Variants in PIK3C2G observed in about 807,000 individuals in gnomAD.
PIK3C2G encodes the protein phosphatidylinositol 3-kinase C2 domain-containing subunit gamma.
PIK3C2G carries 168 observed loss-of-function variants against 181.1 expected under a neutral mutation model. The observed-to-expected ratio is 0.93, with a 90% CI of 0.82 to 1.05. The LOEUF (loss-of-function observed/expected upper bound fraction) is 1.05. Ranked by LOEUF, PIK3C2G falls within the 50% of genes least tolerant of loss-of-function variation. PIK3C2G has a pLI of 0.00. For synonymous variants in PIK3C2G, 573 were observed against 592.2 expected (o/e 0.97, Z 0.47); for missense variants, 1,869 against 1,732.8 (o/e 1.08, Z -1.40).
At chr12:18,483,587 A>T (rs1030696287) in intron 18 of PIK3C2G, among the ~76,000 whole-genome samples, 4 of 152,062 alleles carry the variant, frequency 2.6e-5, no homozygotes, top group Non-Finnish European at 4.4e-5. Context: ...ATTATACTCA[A>T]ATTGACTATT....
At chr12:18,339,965 T>G (rs1938967871) in intron 9 of PIK3C2G, among the ~76,000 whole-genome samples, 1 of 152,114 alleles carries the variant, frequency 6.6e-6, no homozygotes, top group African/African-American at 2.4e-5. Flanking sequence ...GACAGATTTG[T>G]GTTTATTTCC....
At chr12:18,601,247 G>A (rs1045079299) in intron 30 of PIK3C2G, among the ~76,000 whole-genome samples, 8 of 150,762 alleles carry the variant, frequency 5.3e-5, no homozygotes, top group Admixed American at 5.3e-4. Flanking sequence ...TGATAAAATT[G>A]AATGACCTTT....
chr12:18,442,141 T>A (rs1390482433), intron 18 of PIK3C2G, among the ~76,000 whole-genome samples: 2 of 152,190 alleles, frequency 1.3e-5, no homozygotes, highest in Non-Finnish European at 2.9e-5. Flanking sequence ...ATATACAATA[T>A]GTTTTTGCAT....
intron 31 of PIK3C2G, among the ~76,000 whole-genome samples, chr12:18,617,319 A>G (rs1948648314): frequency 6.6e-6 from 1 of 152,140 alleles, no homozygotes; most frequent in Admixed American, 6.6e-5. Flanking sequence ...TGCGTGACTT[A>G]CATAGGAACT....
At chr12:18,708,825 C>G in the PIK3C2G span, among the ~76,000 whole-genome samples, 2 of 151,984 alleles carry the variant, frequency 1.3e-5, no homozygotes, top group Non-Finnish European at 2.9e-5. Context: ...GGAGAAATGC[C>G]TATTCAGGTT....
At chr12:18,584,974 T>G (rs2136442984) in intron 29 of PIK3C2G, among the ~76,000 whole-genome samples, 1 of 152,212 alleles carries the variant, frequency 6.6e-6, no homozygotes, top group South Asian at 2.1e-4. Context: ...AATAAGATCC[T>G]TTTCAAATAA....
intron 31 of PIK3C2G, among the ~76,000 whole-genome samples, chr12:18,624,205 T>G (rs1054044025): frequency 4.0e-5 from 6 of 151,668 alleles, no homozygotes; most frequent in African/African-American, 1.4e-4. Flanking sequence ...AGATACATTC[T>G]TTCCATACCA....
At chr12:18,607,326 A>C in intron 30 of PIK3C2G, 1 of 353,442 alleles carries the variant, frequency 2.8e-6, no homozygotes, top group South Asian at 2.2e-5. Context: ...TAATCAAAAC[A>C]GCATGGTACT....
the PIK3C2G span, among the ~76,000 whole-genome samples, chr12:18,686,526 G>C: frequency 2.0e-5 from 3 of 151,122 alleles, no homozygotes; most frequent in Admixed American, 6.6e-5. Context: ...TCTGTCTCTG[G>C]TATGTTTAAA....
intron 26 of PIK3C2G, among the ~76,000 whole-genome samples, chr12:18,556,745 T>C (rs947837771): frequency 6.6e-6 from 1 of 152,134 alleles, no homozygotes; most frequent in African/African-American, 2.4e-5. Context: ...AGAAATAATG[T>C]TTTGTACTGC....
intron 12 of PIK3C2G, among the ~76,000 whole-genome samples, chr12:18,363,691 A>G (rs373729787): frequency 6.6e-6 from 1 of 152,080 alleles, no homozygotes; most frequent in Non-Finnish European, 1.5e-5. Flanking sequence ...TGGCTTTCTT[A>G]GAAGACAGTT....
chr12:18,565,628 G>A (rs1005212736), intron 28 of PIK3C2G, among the ~76,000 whole-genome samples: 2 of 152,052 alleles, frequency 1.3e-5, no homozygotes, highest in African/African-American at 2.4e-5. Context: ...CAGACAAAAG[G>A]TCATTAAAAA....
intron 31 of PIK3C2G, among the ~76,000 whole-genome samples, chr12:18,636,745 G>A (rs1031862548): frequency 6.6e-6 from 1 of 152,120 alleles, no homozygotes; most frequent in Non-Finnish European, 1.5e-5. Flanking sequence ...GTGAGGATGT[G>A]GTGGGATTCA....
chr12:18,548,839 T>A (rs532919509), intron 26 of PIK3C2G, among the ~76,000 whole-genome samples: 9 of 152,140 alleles, frequency 5.9e-5, no homozygotes, highest in African/African-American at 2.2e-4. Context: ...CCATCTCCTG[T>A]CTCTCACTTC....
intron 31 of PIK3C2G, among the ~76,000 whole-genome samples, chr12:18,622,487 T>C (rs1305721862): frequency 6.6e-6 from 1 of 151,966 alleles, no homozygotes; most frequent in South Asian, 2.1e-4. Context: ...TTTCATAATA[T>C]AGCTATTGTG....
the PIK3C2G span, among the ~76,000 whole-genome samples, chr12:18,669,023 A>T: frequency 1.3e-5 from 2 of 152,158 alleles, no homozygotes; most frequent in Non-Finnish European, 2.9e-5. Flanking sequence ...AGTGCAGAAA[A>T]TAGTAATAAT....
At chr12:18,369,065 C>T (rs181439376) in intron 12 of PIK3C2G, among the ~76,000 whole-genome samples, 1 of 152,292 alleles carries the variant, frequency 6.6e-6, no homozygotes, top group African/African-American at 2.4e-5. Context: ...TAATAATCAC[C>T]TACTGCTCTA....
At chr12:18,613,232 T>A (rs1240563281) in intron 31 of PIK3C2G, among the ~76,000 whole-genome samples, 1 of 152,042 alleles carries the variant, frequency 6.6e-6, no homozygotes, top group Non-Finnish European at 1.5e-5. Context: ...TGCTCCAGAA[T>A]GTTCGCATTC....
chr12:18,478,624 T>C (rs1334461098), intron 18 of PIK3C2G, among the ~76,000 whole-genome samples: 1 of 152,182 alleles, frequency 6.6e-6, no homozygotes, highest in East Asian at 1.9e-4. Flanking sequence ...ACAATTCTAT[T>C]ATTTTAGTGG....
Sources: allele counts gnomAD v4.1 joint callset (sites outside exome capture counted in the v4.1 genomes callset), GRCh38; gene constraint gnomAD v4.1.1; transcripts MANE v1.5; gene names NCBI Gene and HGNC (gene_info 2026-07-23, HGNC 2026-07-21).